Variants in SBF2 observed in about 807,000 individuals in gnomAD.
SBF2 encodes the protein myotubularin-related protein 13.
Under a neutral mutation model 225.2 loss-of-function variants are expected in SBF2, and 112 were observed. That is an observed-to-expected ratio of 0.50 (90% confidence interval 0.43 to 0.58). SBF2 has a LOEUF of 0.58. Ranked by LOEUF, SBF2 falls within the 20% of genes least tolerant of loss-of-function variation. The pLI is 0.00. For missense variants in SBF2, 1,996 were observed against 2,206.2 expected, an observed-to-expected ratio of 0.90 and a Z score of 1.91; for synonymous variants, 763 against 773.3, an observed-to-expected ratio of 0.99 and a Z score of 0.22.
At position 10,053,961 on chromosome 11, in the gene SBF2, A is replaced by C. The variant is rs1950157571; in HGVS notation, c.142-10980T>G. ...AAAGTTCAGAGAAAATATAGTGGGC[A>C]GAAGACTTTGGAAGAGAAGTCAATT... is the stretch of plus-strand genomic sequence containing the variant. On this transcript the variant is annotated intron_variant, in intron 2 of 39. Coordinates refer to ENST00000256190, the MANE Select transcript of SBF2 (RefSeq NM_030962.4). 3.9e-5 allele frequency among the ~76,000 whole-genome samples: 6 copies of C among 152,016 alleles called. No homozygotes were observed. The South Asian group carries it at 1.2e-3, about 31-fold the overall frequency.
chr11:10,248,436 C>T (rs913512624), intron 1 of SBF2, among the ~76,000 whole-genome samples: 20 of 152,150 alleles, frequency 1.3e-4, no homozygotes, highest in Non-Finnish European at 1.2e-4. Flanking sequence ...GCCTGCTTTA[C>T]AGTTAGGTAA....
chr11:9,903,768 G>C (rs183372714), intron 16 of SBF2, among the ~76,000 whole-genome samples: 129 of 152,226 alleles, frequency 8.5e-4, no homozygotes, highest in African/African-American at 3.0e-3. Flanking sequence ...CTTACACTTG[G>C]GAGGTGAGCA....
chr11:9,910,611 G>A (rs926682899), intron 16 of SBF2, among the ~76,000 whole-genome samples: 2 of 152,004 alleles, frequency 1.3e-5, no homozygotes, highest in Non-Finnish European at 2.9e-5. Context: ...TGTGGTGGTG[G>A]AAGACAGTGA....
In SBF2 at chr11:10,294,047, A is replaced by C. The variant is rs886047576; in HGVS notation, c.23T>G (p.Phe8Cys). MARLADY[F>C]IVVGYDHEKP... ...CTCGTGGTCATAGCCTACCACGATG[A>C]AGTAGTCAGCCAGCCGGGCCATGGC... is the stretch of plus-strand genomic sequence containing the variant. Residue 8 changes from phenylalanine (F) to cysteine (C), a missense_variant, in exon 1 of 40, where the codon TTC (phenylalanine) becomes TGC (cysteine). Coordinates refer to ENST00000256190, the MANE Select transcript of SBF2 (RefSeq NM_030962.4). 1.4e-6 allele frequency: 2 copies of C among 1,402,492 alleles called. No individual in the cohort carries two copies. Among genetic ancestry groups the C allele is most frequent in the South Asian group, 1.6e-5 (1 of 62,728 alleles). 86.9% of individuals were successfully genotyped at this position (1,402,492 alleles called of 1,614,324 possible).
intron 2 of SBF2, among the ~76,000 whole-genome samples, chr11:10,130,503 A>G (rs1382592293): frequency 6.6e-6 from 1 of 152,158 alleles, no homozygotes; most frequent in Non-Finnish European, 1.5e-5. Context: ...CTCTTTACTC[A>G]GTTCCCCCCA....
intron 17 of SBF2, among the ~76,000 whole-genome samples, chr11:9,869,083 T>C (rs918267852): frequency 5.3e-5 from 8 of 152,264 alleles, no homozygotes; most frequent in African/African-American, 1.7e-4. Flanking sequence ...AGGCATAGCC[T>C]GTATTAGAAA....
chr11:9,862,848 T>C (rs141374180), intron 17 of SBF2, among the ~76,000 whole-genome samples: 1,957 of 152,338 alleles, frequency 0.013, 48 homozygotes, highest in African/African-American at 0.045. Context: ...GTCTGTATAC[T>C]AGCATCATAA....
At chr11:9,995,110 GA>G (rs1947636033) in intron 9 of SBF2, among the ~76,000 whole-genome samples, 1 of 151,972 alleles carries the variant, frequency 6.6e-6, no homozygotes, top group African/African-American at 2.4e-5. Context: ...CTAGACAGGT[GA>G]AAGTATAAAA....
At chr11:10,148,171 T>A (rs907528925) in intron 2 of SBF2, among the ~76,000 whole-genome samples, 1 of 152,142 alleles carries the variant, frequency 6.6e-6, no homozygotes, top group African/African-American at 2.4e-5. Flanking sequence ...CTTAACCCAA[T>A]GAAAGTCTAA....
intron 2 of SBF2, among the ~76,000 whole-genome samples, chr11:10,115,933 G>A (rs975941394): frequency 2.0e-5 from 3 of 152,086 alleles, no homozygotes; most frequent in East Asian, 1.9e-4. Flanking sequence ...TTGGGAGGCC[G>A]AGGCAGGCAG....
rs912346358 is a variant in SBF2 at position 10,072,734 on chromosome 11, CT to C, written c.142-29754del. Among the ~76,000 whole-genome samples, 624 of 120,306 alleles carry C rather than the reference CT, an allele frequency of 5.2e-3. 3 individuals carry two copies. The highest frequency in any genetic ancestry group is 6.6e-3 in the Non-Finnish European group (391 of 58,810). 78.9% of individuals were successfully genotyped at this position (120,306 alleles called of 152,430 possible). ...ATCCAGTGGAATCTTTTTTTTTTTT[CT>C]TTTTTTTTTTTTTGGAGACAGGGTC... is the stretch of plus-strand genomic sequence containing the variant. On this transcript the variant is annotated intron_variant, in intron 2 of 39. Transcript: ENST00000256190.
chr11:9,995,040 CAAA>C (rs5789626), intron 9 of SBF2, among the ~76,000 whole-genome samples: 1 of 138,478 alleles, frequency 7.2e-6, no homozygotes, highest in Non-Finnish European at 1.6e-5. Context: ...GACTCTGTCT[CAAA>C]AAAAAAAAAA....
intron 17 of SBF2, among the ~76,000 whole-genome samples, chr11:9,878,735 T>A (rs967001248): frequency 6.6e-6 from 1 of 152,214 alleles, no homozygotes; most frequent in African/African-American, 2.4e-5. Flanking sequence ...ATTATAATTT[T>A]AATTCTAATT....
chr11:9,892,734 T>C (rs1220046682), intron 17 of SBF2, among the ~76,000 whole-genome samples: 10 of 151,984 alleles, frequency 6.6e-5, no homozygotes, highest in Non-Finnish European at 1.5e-4. Flanking sequence ...TAATTTCGTA[T>C]TTTTAGTAGA....
chr11:10,085,564 T>A (rs1218185943), intron 2 of SBF2, among the ~76,000 whole-genome samples: 1 of 152,240 alleles, frequency 6.6e-6, no homozygotes, highest in Non-Finnish European at 1.5e-5. Context: ...TTTTATTTGA[T>A]GTTTCATCTG....
rs773963582 is a variant in SBF2 at position 9,789,289 on chromosome 11, T to C, written c.4752A>G (p.Ile1584Met). 2 of 1,614,186 alleles carry C rather than the reference T, an allele frequency of 1.2e-6. No homozygotes were observed. The highest frequency in any genetic ancestry group is 1.7e-6 in the Non-Finnish European group (2 of 1,180,026). ...AAGGGCCTGTGGACAGGGTCTCTTC[T>C]ATGTAGTAATCCCACTTCTTGAGGC... Reference protein sequence around the residue: ...VSSLKKWDYYIEETLSTGPSY... With the variant: ...VSSLKKWDYYMEETLSTGPSY... Residue 1584 changes from isoleucine (I) to methionine (M), a missense_variant, in exon 35 of 40, where the codon ATA becomes ATG. Physicochemically the swap from Ile to Met is conservative, Grantham distance 10 (BLOSUM62 1). Transcript: ENST00000256190.
intron 2 of SBF2, among the ~76,000 whole-genome samples, chr11:10,126,174 G>T (rs1174935374): frequency 6.6e-6 from 1 of 152,100 alleles, no homozygotes; most frequent in Non-Finnish European, 1.5e-5. Flanking sequence ...TAATAACTGT[G>T]TATGTTTAAA....
At chr11:9,970,927 T>C (rs1867287693) in intron 13 of SBF2, among the ~76,000 whole-genome samples, 1 of 152,226 alleles carries the variant, frequency 6.6e-6, no homozygotes, top group South Asian at 2.1e-4. Flanking sequence ...TACAATTCTG[T>C]CTGGACTTAA....
At chr11:10,000,805 G>T in intron 8 of SBF2, 109 bp downstream of exon 8, 1 of 672,542 alleles carries the variant, frequency 1.5e-6, no homozygotes. Context: ...TTTTCTACTG[G>T]AAATGCTACA....
Sources: gnomAD v4.1 joint callset for allele counts (sites outside exome capture counted in the v4.1 genomes callset) on GRCh38, gnomAD v4.1.1 for gene constraint, MANE v1.5 for transcripts, NCBI Gene and HGNC (gene_info 2026-07-23, HGNC 2026-07-21) for gene names.